RANBP17: variants seen among roughly 807,000 people sequenced by gnomAD.
The protein encoded by RANBP17 is ran-binding protein 17.
A neutral mutation model predicts 141.2 loss-of-function variants in RANBP17; 158 were observed. The ratio of observed to expected loss-of-function variants is 1.12; its 90% CI spans 0.98 to 1.28. The LOEUF (loss-of-function observed/expected upper bound fraction) is 1.28. RANBP17 is among the 50% of genes most tolerant of loss of function. The pLI is 0.00. For synonymous variants in RANBP17, 430 were observed against 450.0 expected (o/e 0.96, Z 0.56); for missense variants, 1,438 against 1,290.7 (o/e 1.11, Z -1.75).
In RANBP17 at chr5:171,170,125, T is replaced by G; in HGVS notation, c.1711-5T>G. The G allele has an allele frequency of 6.7e-7, 1 of 1,494,618 alleles. No homozygotes were observed. The highest frequency in any genetic ancestry group is 9.1e-7 in the Non-Finnish European group (1 of 1,096,908). 92.6% of individuals were successfully genotyped at this position (1,494,618 alleles called of 1,614,324 possible). On this transcript the variant is annotated splice_polypyrimidine_tract_variant and splice_region_variant and intron_variant, in intron 14 of 27. Transcript: ENST00000523189. ...AACTTTTAACAATGAAATGTTTTAA[T>G]GCAGGTATATGCTCGTATGTCAGAA...
intron 14 of RANBP17, among the ~76,000 whole-genome samples, chr5:171,110,141 G>A (rs905144438): frequency 1.3e-5 from 2 of 151,534 alleles, no homozygotes; most frequent in Admixed American, 1.3e-4. Context: ...TAGTGTGTAA[G>A]GCCTGACTGC....
chr5:170,977,913 T>A (rs10042357), intron 14 of RANBP17, among the ~76,000 whole-genome samples: 92,894 of 151,756 alleles, frequency 0.61, 29,799 homozygotes, highest in South Asian at 0.88. Flanking sequence ...TGAAATTGAT[T>A]GTGGTGATGG....
At chr5:171,059,391 GT>G in intron 14 of RANBP17, among the ~76,000 whole-genome samples, 1 of 152,288 alleles carries the variant, frequency 6.6e-6, no homozygotes, top group East Asian at 1.9e-4. Context: ...TGGCTAGCCA[GT>G]TTTCCCAGCA....
At chr5:171,122,609 G>A (rs1257294010) in intron 14 of RANBP17, among the ~76,000 whole-genome samples, 1 of 152,188 alleles carries the variant, frequency 6.6e-6, no homozygotes, top group Non-Finnish European at 1.5e-5. Context: ...GCAAATAAAA[G>A]GCAAGCAAGA....
chr5:170,895,930 TTTA>T (rs1184172635), intron 4 of RANBP17, 117 bp from the exon 5 acceptor site: 6 of 473,842 alleles, frequency 1.3e-5, no homozygotes, highest in Non-Finnish European at 2.2e-5. Flanking sequence ...TTGTTTCCAT[TTTA>T]TTATTGAGTA....
intron 9 of RANBP17, among the ~76,000 whole-genome samples, chr5:170,917,897 T>C (rs550823391): frequency 6.6e-6 from 1 of 152,102 alleles, no homozygotes; most frequent in Non-Finnish European, 1.5e-5. Context: ...GATTACAAAA[T>C]TTTTTTGGTT....
At chr5:171,273,024 G>A (rs1297801249) in intron 25 of RANBP17, among the ~76,000 whole-genome samples, 2 of 152,208 alleles carry the variant, frequency 1.3e-5, no homozygotes, top group Admixed American at 1.3e-4. Context: ...TTGTACAGCT[G>A]TGTTATAATG....
chr5:170,891,612 A>T (rs1769613948), intron 3 of RANBP17, among the ~76,000 whole-genome samples: 1 of 152,176 alleles, frequency 6.6e-6, no homozygotes, highest in Admixed American at 6.5e-5. Context: ...GAAACTTCCA[A>T]TTATGGCAGT....
intron 14 of RANBP17, among the ~76,000 whole-genome samples, chr5:171,144,754 A>G (rs575348089): frequency 2.0e-5 from 3 of 152,352 alleles, no homozygotes; most frequent in East Asian, 3.9e-4. Flanking sequence ...TTCACTTGAA[A>G]TGACATTATG....
At chr5:170,941,856 T>C (rs1161358374) in intron 12 of RANBP17, among the ~76,000 whole-genome samples, 1 of 152,138 alleles carries the variant, frequency 6.6e-6, no homozygotes, top group East Asian at 1.9e-4. Flanking sequence ...GAATTTGGTG[T>C]AGTCTTGTAA....
intron 24 of RANBP17, among the ~76,000 whole-genome samples, chr5:171,247,720 T>C (rs1165714579): frequency 1.3e-5 from 2 of 152,284 alleles, no homozygotes; most frequent in East Asian, 3.9e-4. Flanking sequence ...GGCTCTGAAC[T>C]CCTTCATTCA....
intron 21 of RANBP17, 58 bp from the exon 22 acceptor site, chr5:171,221,700 A>T: frequency 1.1e-6 from 1 of 945,146 alleles, no homozygotes; most frequent in Non-Finnish European, 1.7e-6. Flanking sequence ...AGGCATTTTA[A>T]ATCTGTGTTT....
Position 171,293,565 on chromosome 5 carries a change from A to G in RANBP17, c.2944-318A>G, listed in dbSNP as rs992955106. ...CTGAGCTTTTGCCTGGTGCCCTAGCATAGAGGAAAGCATATCAGGGTTGAG... is the reference window on the plus strand; with the variant it reads ...CTGAGCTTTTGCCTGGTGCCCTAGCGTAGAGGAAAGCATATCAGGGTTGAG... On this transcript the variant is annotated intron_variant, in intron 25 of 27. Coordinates refer to ENST00000523189, the MANE Select transcript of RANBP17 (RefSeq NM_022897.5). Among the ~76,000 whole-genome samples the G allele has an allele frequency of 2.6e-5, 4 of 152,346 alleles. No homozygotes were observed. The East Asian group carries it at 7.7e-4, about 29-fold the overall frequency.
chr5:170,956,206 A>G (rs1394817588), intron 13 of RANBP17, among the ~76,000 whole-genome samples: 3 of 151,900 alleles, frequency 2.0e-5, no homozygotes. Flanking sequence ...CAGGCCTTTC[A>G]TACTTTTCCA....
At chr5:171,061,134 G>T (rs1476796000) in intron 14 of RANBP17, among the ~76,000 whole-genome samples, 1,703 of 151,906 alleles carry the variant, frequency 0.011, 10 homozygotes, top group African/African-American at 0.016. Context: ...ATTGATTTTT[G>T]GAAGGGTTTT....
At chr5:170,941,483 C>T (rs1429083205) in intron 12 of RANBP17, among the ~76,000 whole-genome samples, 1 of 151,892 alleles carries the variant, frequency 6.6e-6, no homozygotes, top group African/African-American at 2.4e-5. Context: ...GAATAAATTT[C>T]TAGAAAAAAT....
Position 170,916,560 on chromosome 5 carries a change from A to G in RANBP17, c.930A>G (p.Val310=), listed in dbSNP as rs1457691433. Residue 310 remains valine (V), a synonymous_variant, in exon 9 of 28, where the codon GTA becomes GTG. Transcript: ENST00000523189. ...ACCTTGGTAATTTAATTAAGGGAGT[A>G]AAAAGGATACTTGAAAACCCTCAGG... ...AKYLGNLIKG[V]KRILENPQGL... 6.4e-7 allele frequency: 1 copy of G among 1,569,604 alleles called. No homozygotes were observed. The highest frequency in any genetic ancestry group is 1.2e-5 in the South Asian group (1 of 83,626).
intron 22 of RANBP17, among the ~76,000 whole-genome samples, chr5:171,226,557 G>GT (rs1369789187): frequency 5.3e-5 from 8 of 152,058 alleles, no homozygotes; most frequent in Admixed American, 2.0e-4. Context: ...TTTGTAAAGT[G>GT]TTATACAAGC....
chr5:171,064,103 C>G (rs1287960431), intron 14 of RANBP17, among the ~76,000 whole-genome samples: 1 of 152,244 alleles, frequency 6.6e-6, no homozygotes, highest in African/African-American at 2.4e-5. Context: ...CTCCCTGACC[C>G]CTTGCACTTC....
Sources: allele counts gnomAD v4.1 joint callset (sites outside exome capture counted in the v4.1 genomes callset), GRCh38; gene constraint gnomAD v4.1.1; transcripts MANE v1.5; gene names NCBI Gene and HGNC (gene_info 2026-07-23, HGNC 2026-07-21).